Variants in FZD10 observed in about 807,000 individuals in gnomAD.
FZD10 encodes the protein frizzled class receptor 10.
In FZD10, 14 loss-of-function variants were observed where a neutral mutation model predicts 24.4. The ratio of observed to expected loss-of-function variants is 0.57; its 90% CI spans 0.38 to 0.90. FZD10 has a LOEUF of 0.90. FZD10 is among the 40% of genes least tolerant of loss of function. FZD10 has a pLI of 0.00. For missense variants in FZD10, 775 were observed against 816.6 expected (o/e 0.95, Z 0.62); for synonymous variants, 381 against 349.1 (o/e 1.09, Z -1.02).
Position 130,164,584 on chromosome 12 carries a change from G to T in FZD10, c.1642G>T (p.Ala548Ser), listed in dbSNP as rs1039873680. The change falls in exon 1 of 1, where the codon GCC (alanine) becomes TCC (serine). Residue 548 changes from alanine (A) to serine (S), a missense_variant. Transcript: ENST00000229030. This position sits in a 1 kb window ranked among gnomAD's most constrained non-coding sequence, Gnocchi z 5.3. ...RLKKKSRRKP[A>S]SVITSGGIYK... ...AAAGAAGAAGAGCCGGAGAAAACCG[G>T]CCAGCGTGATCACCAGCGGTGGGAT... is the stretch of plus-strand genomic sequence containing the variant. 6.2e-7 allele frequency: 1 copy of T among 1,612,798 alleles called. No individual in the cohort carries two copies. Among genetic ancestry groups the T allele is most frequent in the African/African-American group, 1.3e-5 (1 of 74,890 alleles).
In FZD10 at chr12:130,162,993, G is replaced by A. The variant is rs1205687258; in HGVS notation, c.51G>A (p.Ser17=). ...RLWLVLQVMG[S]CAAISSMDME... is the part of the protein sequence containing the mutation. ...GGCTGGTCCTGCAGGTGATGGGCTC[G>A]TGCGCCGCCATCAGCTCCATGGACA... Residue 17 remains serine, a synonymous_variant, in exon 1 of 1, where the codon TCG becomes TCA. Transcript: ENST00000229030. 1 of 1,577,730 alleles carries A rather than the reference G, an allele frequency of 6.3e-7. No individual in the cohort carries two copies. The highest frequency in any genetic ancestry group is 1.1e-5 in the South Asian group (1 of 87,446).
In FZD10 at chr12:130,162,715, C is replaced by A. The variant is rs1168599323; in HGVS notation, c.-228C>A. On this transcript the variant is annotated 5_prime_UTR_variant, in exon 1 of 1. Coordinates refer to ENST00000229030, the MANE Select transcript of FZD10 (RefSeq NM_007197.4). ...AGCTCCGGGGGCTTCCCTCGCTTCCCGGTATTGTTTGCAAACTTTGCTGCT... is the reference window on the plus strand; with the variant it reads ...AGCTCCGGGGGCTTCCCTCGCTTCCAGGTATTGTTTGCAAACTTTGCTGCT... The A allele has an allele frequency of 3.8e-6, 1 of 261,432 alleles. No homozygotes were observed. The highest frequency in any genetic ancestry group is 6.6e-5 in the East Asian group (1 of 15,116). The allele number at this position is 261,432 out of a possible 1,614,324, so 16.2% of individuals were successfully genotyped here. A position where few individuals can be genotyped will look rare whatever the true frequency, so the allele number is the denominator to read the frequency against.
In FZD10 at chr12:130,163,088, T is replaced by A; in HGVS notation, c.146T>A (p.Met49Lys). The change falls in exon 1 of 1, where the codon ATG becomes AAG. Residue 49 changes from methionine (M) to lysine (K), a missense_variant. Physicochemically the swap from Met to Lys is moderately conservative, Grantham distance 95 (BLOSUM62 -1). Coordinates refer to ENST00000229030, the MANE Select transcript of FZD10 (RefSeq NM_007197.4). ...ATGTGCAAGGACATCGGCTACAACA[T>A]GACTCGTATGCCCAACCTGATGGGC... The part of the protein sequence containing the change: ...IPMCKDIGYN[M>K]TRMPNLMGHE... 6.2e-7 allele frequency: 1 copy of A among 1,612,732 alleles called. No homozygotes were observed. Among genetic ancestry groups the A allele is most frequent in the Non-Finnish European group, 8.5e-7 (1 of 1,179,950 alleles).
rs1566096950 is a variant in FZD10, at chr12:130,164,896, A to G, written c.*208A>G. 4.1e-6 allele frequency: 2 copies of G among 481,946 alleles called. No individual in the cohort carries two copies. Among genetic ancestry groups the G allele is most frequent in the East Asian group, 6.5e-5 (2 of 30,898 alleles). 29.9% of individuals were successfully genotyped at this position (481,946 alleles called of 1,614,324 possible). On this transcript the variant is annotated 3_prime_UTR_variant, in exon 1 of 1. Transcript: ENST00000229030. This position sits in a 1 kb window ranked among gnomAD's most constrained non-coding sequence, Gnocchi z 5.3. ...GGGTTTTGTTTTGTTTTGGTTTTCCAGCGAAGGGAAGCTCCTCCAGTGAAG... is the reference window on the plus strand; with the variant it reads ...GGGTTTTGTTTTGTTTTGGTTTTCCGGCGAAGGGAAGCTCCTCCAGTGAAG...
Position 130,163,284 on chromosome 12 carries a change from G to A in FZD10, c.342G>A (p.Arg114=). Residue 114 remains arginine (R), a synonymous_variant, in exon 1 of 1, where the codon CGG becomes CGA. Coordinates refer to ENST00000229030, the MANE Select transcript of FZD10 (RefSeq NM_007197.4). The stretch of plus-strand genomic sequence containing the variant: ...GCCGGGTCATGTGCGAGCAGGCCCG[G>A]CTCAAGTGCTCCCCGATTATGGAGC... The part of the protein sequence containing the change: ...PACRVMCEQA[R]LKCSPIMEQF... 1.2e-6 allele frequency: 2 copies of A among 1,613,126 alleles called. No homozygotes were observed. Among genetic ancestry groups the A allele is most frequent in the Non-Finnish European group, 1.7e-6 (2 of 1,179,992 alleles).
chr12:130,165,003 T>G lies in FZD10; in HGVS notation c.*315T>G. Reference sequence around the variant, plus strand: ...ACTTTTGTTTAGAGCCCTCCCTAAATATACATCTGTGTATTTGAGTTGGCT... The same window carrying G: ...ACTTTTGTTTAGAGCCCTCCCTAAAGATACATCTGTGTATTTGAGTTGGCT... On this transcript the variant is annotated 3_prime_UTR_variant, in exon 1 of 1. Transcript: ENST00000229030. 1 of 247,564 alleles carries G rather than the reference T, an allele frequency of 4.0e-6. No homozygotes were observed. The highest frequency in any genetic ancestry group is 8.4e-6 in the Non-Finnish European group (1 of 119,608). 15.3% of individuals were successfully genotyped at this position (247,564 alleles called of 1,614,324 possible).
Position 130,163,731 on chromosome 12 carries a change from C to G in FZD10, c.789C>G (p.Ile263Met), listed in dbSNP as rs375107259. ...PARFRYPERP[I>M]IFLSMCYCVY... ...GCTTCCGCTACCCCGAGCGCCCCAT[C>G]ATCTTCCTCTCCATGTGCTACTGCG... Residue 263 changes from isoleucine to methionine, a missense_variant, in exon 1 of 1, where the codon ATC becomes ATG. Coordinates refer to ENST00000229030, the MANE Select transcript of FZD10 (RefSeq NM_007197.4). 5.6e-6 allele frequency: 9 copies of G among 1,613,960 alleles called. No homozygotes were observed. Among genetic ancestry groups the G allele is most frequent in the East Asian group, 2.2e-5 (1 of 44,866 alleles).
chr12:130,165,340 C>CT lies in FZD10; in HGVS notation c.*652_*653insT, dbSNP rs1285603638. 51 of 167,032 alleles carry CT rather than the reference C, an allele frequency of 3.1e-4. No homozygotes were observed. Among genetic ancestry groups the CT allele is most frequent in the African/African-American group, 1.2e-3 (50 of 41,564 alleles). The allele number at this position is 167,032 out of a possible 1,614,324, so 10.3% of individuals were successfully genotyped here. ...CTTTCCTTGAAAATAAAAAGAGAAA[C>CT]AAGTATTTTGCTATATATAAAGACA... On this transcript the variant is annotated 3_prime_UTR_variant, in exon 1 of 1. Transcript: ENST00000229030.
At position 130,164,573 on chromosome 12, in the gene FZD10, G is replaced by A. The variant is rs1343217897; in HGVS notation, c.1631G>A (p.Arg544Gln). ...VCSRRLKKKSRRKPASVITSG... is the reference protein window; with the variant it reads ...VCSRRLKKKSQRKPASVITSG... ...AGCCGTAGGTTAAAGAAGAAGAGCC[G>A]GAGAAAACCGGCCAGCGTGATCACC... is the stretch of plus-strand genomic sequence containing the variant. The change falls in exon 1 of 1, where the codon CGG becomes CAG. Residue 544 changes from arginine (R) to glutamine (Q), a missense_variant. Arg to Gln is a conservative substitution (Grantham distance 43, BLOSUM62 1). Coordinates refer to ENST00000229030, the MANE Select transcript of FZD10 (RefSeq NM_007197.4). The surrounding 1 kb of genome is among the most constrained non-coding windows in gnomAD (Gnocchi z 5.3). 6 of 1,612,786 alleles carry A rather than the reference G, an allele frequency of 3.7e-6. No homozygotes were observed. The highest frequency in any genetic ancestry group is 1.7e-5 in the Admixed American group (1 of 59,994).
chr12:130,163,053 C>A lies in FZD10; in HGVS notation c.111C>A (p.Ile37=). 1 of 1,612,758 alleles carries A rather than the reference C, an allele frequency of 6.2e-7. No homozygotes were observed. Among genetic ancestry groups the A allele is most frequent in the South Asian group, 1.1e-5 (1 of 91,076 alleles). The change falls in exon 1 of 1, where the codon ATC becomes ATA. Residue 37 remains isoleucine (I), a synonymous_variant. Transcript: ENST00000229030. The part of the protein sequence containing the change: ...ERPGDGKCQP[I]EIPMCKDIGY... Reference sequence around the variant, plus strand: ...CGGGCGACGGCAAATGCCAGCCCATCGAGATCCCGATGTGCAAGGACATCG... The same window carrying A: ...CGGGCGACGGCAAATGCCAGCCCATAGAGATCCCGATGTGCAAGGACATCG...
Position 130,164,581 on chromosome 12 carries a change from C to A in FZD10, c.1639C>A (p.Pro547Thr), listed in dbSNP as rs942859460. The A allele has an allele frequency of 3.1e-6, 5 of 1,612,786 alleles. No individual in the cohort carries two copies. Among genetic ancestry groups the A allele is most frequent in the Non-Finnish European group, 3.4e-6 (4 of 1,179,984 alleles). ...RRLKKKSRRK[P>T]ASVITSGGIY... is the part of the protein sequence containing the mutation. ...GTTAAAGAAGAAGAGCCGGAGAAAACCGGCCAGCGTGATCACCAGCGGTGG... is the reference window on the plus strand; with the variant it reads ...GTTAAAGAAGAAGAGCCGGAGAAAAACGGCCAGCGTGATCACCAGCGGTGG... The change falls in exon 1 of 1, where the codon CCG (proline) becomes ACG (threonine). Residue 547 changes from proline (P) to threonine (T), a missense_variant. Transcript: ENST00000229030. The surrounding 1 kb of genome is among the most constrained non-coding windows in gnomAD (Gnocchi z 5.3).
Position 130,162,737 on chromosome 12 carries a change from T to C in FZD10, c.-206T>C, listed in dbSNP as rs1871685883. On this transcript the variant is annotated 5_prime_UTR_variant, in exon 1 of 1. Coordinates refer to ENST00000229030, the MANE Select transcript of FZD10 (RefSeq NM_007197.4). ...TCCCGGTATTGTTTGCAAACTTTGC[T>C]GCTCTCCGCCGCGGCCCCCAACTCG... is the stretch of plus-strand genomic sequence containing the variant. 1 of 287,982 alleles carries C rather than the reference T, an allele frequency of 3.5e-6. No homozygotes were observed. Among genetic ancestry groups the C allele is most frequent in the Non-Finnish European group, 6.4e-6 (1 of 155,420 alleles). 17.8% of individuals were successfully genotyped at this position (287,982 alleles called of 1,614,324 possible).
At position 130,163,457 on chromosome 12, in the gene FZD10, A is replaced by T. The variant is rs1871719706; in HGVS notation, c.515A>T (p.Gln172Leu). The change falls in exon 1 of 1, where the codon CAG (glutamine) becomes CTG (leucine). Residue 172 changes from glutamine (Q) to leucine (L), a missense_variant. Gln to Leu is a moderately radical substitution (Grantham distance 113, BLOSUM62 -2). Transcript: ENST00000229030. ...SGLFPPLFRP[Q>L]RPHSAQEHPL... is the part of the protein sequence containing the mutation. ...CTGTTCCCGCCGCTGTTCCGGCCGC[A>T]GCGGCCCCACAGCGCGCAGGAGCAC... The T allele has an allele frequency of 6.2e-7, 1 of 1,610,344 alleles. No homozygotes were observed. Among genetic ancestry groups the T allele is most frequent in the African/African-American group, 1.3e-5 (1 of 74,752 alleles).
At position 130,163,389 on chromosome 12, in the gene FZD10, G is replaced by A. The variant is rs1871715705; in HGVS notation, c.447G>A (p.Glu149=). The A allele has an allele frequency of 1.2e-6, 2 of 1,612,610 alleles. No individual in the cohort carries two copies. The highest frequency in any genetic ancestry group is 1.1e-5 in the South Asian group (1 of 91,090). The change falls in exon 1 of 1, where the codon GAG becomes GAA. Residue 149 remains glutamate, a synonymous_variant. Transcript: ENST00000229030. ...NKNDPNYLCM[E]APNNGSDEPT... ...ACGACCCCAACTACCTGTGCATGGA[G>A]GCGCCCAACAACGGCTCGGACGAGC...
rs776311423 is a variant in FZD10 at position 130,164,068 on chromosome 12, G to A, written c.1126G>A (p.Ala376Thr). 6 of 1,613,534 alleles carry A rather than the reference G, an allele frequency of 3.7e-6. No individual in the cohort carries two copies. In the Admixed American group the frequency reaches 1.0e-4, roughly 27 times the overall value. ...TILILVMRRV[A>T]GDELTGVCYV... ...CCTGATCCTGGTCATGCGCAGGGTG[G>A]CGGGGGACGAGCTCACCGGGGTCTG... Residue 376 changes from alanine to threonine, a missense_variant, in exon 1 of 1, where the codon GCG becomes ACG. Coordinates refer to ENST00000229030, the MANE Select transcript of FZD10 (RefSeq NM_007197.4). This position sits in a 1 kb window ranked among gnomAD's most constrained non-coding sequence, Gnocchi z 5.3.
At position 130,163,128 on chromosome 12, in the gene FZD10, C is replaced by G. The variant is rs1325174335; in HGVS notation, c.186C>G (p.Arg62=). 4 of 1,612,808 alleles carry G rather than the reference C, an allele frequency of 2.5e-6. No individual in the cohort carries two copies. Among genetic ancestry groups the G allele is most frequent in the Non-Finnish European group, 3.4e-6 (4 of 1,179,864 alleles). The change falls in exon 1 of 1, where the codon CGC becomes CGG. Residue 62 remains arginine, a synonymous_variant. Transcript: ENST00000229030. The part of the protein sequence containing the change: ...MPNLMGHENQ[R]EAAIQLHEFA... ...ACCTGATGGGCCACGAGAACCAGCG[C>G]GAGGCAGCCATCCAGTTGCACGAGT...
rs1365739425 is a variant in FZD10 at position 130,164,767 on chromosome 12, T to G, written c.*79T>G. ...TCTTGGTTGTGTTTTTCTTTCTTCTTCTTCTTTTTTTTTTTTTATAAAAGC... is the reference window on the plus strand; with the variant it reads ...TCTTGGTTGTGTTTTTCTTTCTTCTGCTTCTTTTTTTTTTTTTATAAAAGC... On this transcript the variant is annotated 3_prime_UTR_variant, in exon 1 of 1. Coordinates refer to ENST00000229030, the MANE Select transcript of FZD10 (RefSeq NM_007197.4). The surrounding 1 kb of genome is among the most constrained non-coding windows in gnomAD (Gnocchi z 5.3). The G allele has an allele frequency of 5.0e-6, 5 of 1,008,528 alleles. No individual in the cohort carries two copies. The African/African-American group carries it at 8.8e-5, about 18-fold the overall frequency. 62.5% of individuals were successfully genotyped at this position (1,008,528 alleles called of 1,614,324 possible).
chr12:130,163,078 G>A lies in FZD10; in HGVS notation c.136G>A (p.Gly46Ser). Residue 46 changes from glycine to serine, a missense_variant, in exon 1 of 1, where the codon GGC (glycine) becomes AGC (serine). By Grantham distance (56) the Gly-to-Ser change is moderately conservative. Coordinates refer to ENST00000229030, the MANE Select transcript of FZD10 (RefSeq NM_007197.4). ...CGAGATCCCGATGTGCAAGGACATC[G>A]GCTACAACATGACTCGTATGCCCAA... ...PIEIPMCKDI[G>S]YNMTRMPNLM... The A allele has an allele frequency of 6.2e-7, 1 of 1,612,900 alleles. No homozygotes were observed. Among genetic ancestry groups the A allele is most frequent in the Non-Finnish European group, 8.5e-7 (1 of 1,179,946 alleles).
chr12:130,163,609 G>A lies in FZD10; in HGVS notation c.667G>A (p.Asp223Asn). 7 of 1,612,588 alleles carry A rather than the reference G, an allele frequency of 4.3e-6. No individual in the cohort carries two copies. Among genetic ancestry groups the A allele is most frequent in the African/African-American group, 1.3e-5 (1 of 75,070 alleles). ...PGVDVYWSRE[D>N]KRFAVVWLAI... ...CGTGGACGTGTACTGGAGCCGCGAGGACAAGCGCTTCGCAGTGGTCTGGCT... is the reference window on the plus strand; with the variant it reads ...CGTGGACGTGTACTGGAGCCGCGAGAACAAGCGCTTCGCAGTGGTCTGGCT... The change falls in exon 1 of 1, where the codon GAC (aspartate) becomes AAC (asparagine). Residue 223 changes from aspartate to asparagine, a missense_variant. Transcript: ENST00000229030.
Sources: gnomAD v4.1 joint callset for allele counts on GRCh38, gnomAD v4.1.1 for gene constraint, Gnocchi (gnomAD v3.1) non-coding constraint, MANE v1.5 for transcripts, NCBI Gene and HGNC (gene_info 2026-07-23, HGNC 2026-07-21) for gene names.